The following ABCA13 variants were observed in gnomAD, a reference collection of about 807,000 sequenced individuals.
The protein encoded by ABCA13 is ATP-binding cassette sub-family A member 13.
In ABCA13, 476 loss-of-function variants were observed where a neutral mutation model predicts 478.7. That is an observed-to-expected ratio of 0.99 (90% confidence interval 0.92 to 1.07). The LOEUF (loss-of-function observed/expected upper bound fraction) is 1.07, where lower values mean the gene tolerates loss of function less well. Among genes scored for constraint, ABCA13 ranks in the 50% least tolerant of loss-of-function variants. ABCA13 has a pLI of 0.00. For synonymous variants in ABCA13, 2,252 were observed against 2,158.9 expected (o/e 1.04, Z -1.20); for missense variants, 6,060 against 5,910.6 (o/e 1.03, Z -0.83).
In ABCA13 at chr7:48,278,463, G is replaced by A; in HGVS notation, c.7269G>A (p.Met2423Ile). The change falls in exon 18 of 62, where the codon ATG becomes ATA. Residue 2423 changes from methionine (M) to isoleucine (I), a missense_variant. Met to Ile is a conservative substitution (Grantham distance 10, BLOSUM62 1). Coordinates refer to ENST00000435803, the MANE Select transcript of ABCA13 (RefSeq NM_152701.5). ...TTGTAAGAGAATGTTCAACAGAGATGGCAAGACTTCTGGATACAATTTTAC... is the reference window on the plus strand; with the variant it reads ...TTGTAAGAGAATGTTCAACAGAGATAGCAAGACTTCTGGATACAATTTTAC... ...LHLVRECSTEMARLLDTILHS... is the reference protein window; with the variant it reads ...LHLVRECSTEIARLLDTILHS... 2.5e-6 allele frequency: 4 copies of A among 1,613,910 alleles called. No homozygotes were observed. Among genetic ancestry groups the A allele is most frequent in the Non-Finnish European group, 3.4e-6 (4 of 1,179,860 alleles).
At chr7:48,315,636 C>T (rs530224906) in intron 26 of ABCA13, among the ~76,000 whole-genome samples, 27 of 152,164 alleles carry the variant, frequency 1.8e-4, no homozygotes, top group Admixed American at 2.6e-4. Flanking sequence ...CCTGCCACCA[C>T]GCCGGCTATT....
At chr7:48,531,493 A>G (rs546541168) in intron 55 of ABCA13, among the ~76,000 whole-genome samples, 42 of 152,044 alleles carry the variant, frequency 2.8e-4, no homozygotes, top group Non-Finnish European at 4.7e-4. Flanking sequence ...TTGGTTCCAT[A>G]TGAATTTTAG....
intron 16 of ABCA13, among the ~76,000 whole-genome samples, chr7:48,271,005 G>GA (rs2128746439): frequency 6.6e-6 from 1 of 152,318 alleles, no homozygotes; most frequent in East Asian, 1.9e-4. Flanking sequence ...GTCTCACTGC[G>GA]AAAGTGTTAA....
At chr7:48,184,363 T>C (rs1342810692) in intron 1 of ABCA13, among the ~76,000 whole-genome samples, 1 of 152,242 alleles carries the variant, frequency 6.6e-6, no homozygotes, top group Non-Finnish European at 1.5e-5. Flanking sequence ...TTCAAGTCTA[T>C]GGCTGGTCTT....
chr7:48,645,507 A>C lies in ABCA13; in HGVS notation c.15172A>C (p.Ile5058Leu). 6.3e-7 allele frequency: 1 copy of C among 1,579,262 alleles called. No homozygotes were observed. Among genetic ancestry groups the C allele is most frequent in the South Asian group, 1.2e-5 (1 of 85,796 alleles). ...CAGTCACCACACACATCACTTGCCC[A>C]TCTGAGCACTAAAGAAGTTTCCATA... ...TDSHHTHHLP[I>L] Residue 5058 changes from isoleucine to leucine, a missense_variant, in exon 62 of 62, where the codon ATC becomes CTC. By Grantham distance (5) the Ile-to-Leu change is conservative. Around this residue, in one of 3 missense-constraint regions of ABCA13, gnomAD observed 1,627 missense variants for 1,571.0 expected, o/e 1.04. Transcript: ENST00000435803.
chr7:48,535,172 T>A (rs1833485407), intron 55 of ABCA13, among the ~76,000 whole-genome samples: 1 of 152,214 alleles, frequency 6.6e-6, no homozygotes, highest in Admixed American at 6.5e-5. Context: ...CTCTAGCTGC[T>A]GTTTAGATTC....
chr7:48,483,752 C>T (rs999187074), intron 47 of ABCA13, among the ~76,000 whole-genome samples: 1 of 152,106 alleles, frequency 6.6e-6, no homozygotes, highest in African/African-American at 2.4e-5. Context: ...AGTGGTGAAC[C>T]CAACAGTGAG....
intron 29 of ABCA13, among the ~76,000 whole-genome samples, chr7:48,343,646 G>T (rs1807601590): frequency 6.6e-6 from 1 of 151,902 alleles, no homozygotes; most frequent in Non-Finnish European, 1.5e-5. Flanking sequence ...TGGTTATATG[G>T]ATAAGTTCTT....
chr7:48,347,789 C>T (rs1206667347), intron 29 of ABCA13, among the ~76,000 whole-genome samples: 1 of 152,216 alleles, frequency 6.6e-6, no homozygotes, highest in South Asian at 2.1e-4. Context: ...GTCTCCTCCT[C>T]TACTGGAAAC....
chr7:48,280,418 T>C (rs1459763175), intron 18 of ABCA13, among the ~76,000 whole-genome samples: 2 of 152,178 alleles, frequency 1.3e-5, no homozygotes, highest in Non-Finnish European at 2.9e-5. Context: ...CTCCAAGCCC[T>C]CCTATCGCTG....
At chr7:48,533,009 G>T (rs1446014290) in intron 55 of ABCA13, among the ~76,000 whole-genome samples, 2 of 151,488 alleles carry the variant, frequency 1.3e-5, no homozygotes, top group East Asian at 3.9e-4. Flanking sequence ...ATTTCATTCT[G>T]CTCTGATCTT....
intron 2 of ABCA13, among the ~76,000 whole-genome samples, chr7:48,195,444 T>C (rs1413192542): frequency 6.6e-6 from 1 of 152,076 alleles, no homozygotes. Flanking sequence ...AAAGGGCAGA[T>C]TCAACAGACA....
intron 43 of ABCA13, among the ~76,000 whole-genome samples, chr7:48,465,646 G>A (rs77892469): frequency 0.012 from 1,747 of 151,608 alleles, 17 homozygotes; most frequent in Non-Finnish European, 0.017. Context: ...ACCAAAGCAG[G>A]GTATTTAGGA....
intron 19 of ABCA13, among the ~76,000 whole-genome samples, chr7:48,284,360 T>G (rs1317506062): frequency 6.6e-6 from 1 of 152,206 alleles, no homozygotes; most frequent in Non-Finnish European, 1.5e-5. Flanking sequence ...TATTTCCAAT[T>G]AGATGTTATG....
intron 38 of ABCA13, among the ~76,000 whole-genome samples, chr7:48,403,364 C>A (rs1034317243): frequency 6.6e-6 from 1 of 152,108 alleles, no homozygotes; most frequent in South Asian, 2.1e-4. Context: ...GATGCAGGGC[C>A]CTCCCTGGCA....
rs762813113 is a variant in ABCA13 at position 48,380,185 on chromosome 7, T to A, written c.11335+3613T>A. Reference sequence around the variant, plus strand: ...CTTATTGTGCTATACAGTTTTAAAATATATATATCAAATGACAATGTAACA... The same window carrying A: ...CTTATTGTGCTATACAGTTTTAAAAAATATATATCAAATGACAATGTAACA... On this transcript the variant is annotated intron_variant, in intron 35 of 61. Transcript: ENST00000435803. 7.3e-4 allele frequency among the ~76,000 whole-genome samples: 111 copies of A among 152,344 alleles called. 1 individual carries two copies. Among genetic ancestry groups the A allele is most frequent in the African/African-American group, 2.2e-3 (93 of 41,582 alleles).
chr7:48,637,208 G>A (rs1317233782), intron 59 of ABCA13, among the ~76,000 whole-genome samples: 2 of 151,756 alleles, frequency 1.3e-5, no homozygotes, highest in Non-Finnish European at 1.5e-5. Context: ...TGCACAGATG[G>A]TGGCTGAGTG....
At position 48,602,692 on chromosome 7, in the gene ABCA13, G is replaced by A. The variant is rs184995766; in HGVS notation, c.14744+7879G>A. On this transcript the variant is annotated intron_variant, in intron 58 of 61. Coordinates refer to ENST00000435803, the MANE Select transcript of ABCA13 (RefSeq NM_152701.5). ...AGCTTTGTTCTTTTTGCTTAGGATT[G>A]TCTTGGTTACGCGGGCTCTTTTTTG... is the stretch of plus-strand genomic sequence containing the variant. Among the ~76,000 whole-genome samples the A allele has an allele frequency of 4.0e-3, 602 of 152,118 alleles. 2 individuals are homozygous for A. Among genetic ancestry groups the A allele is most frequent in the South Asian group, 0.013 (65 of 4,822 alleles).
intron 3 of ABCA13, among the ~76,000 whole-genome samples, chr7:48,210,432 GT>G (rs1212331317): frequency 2.0e-5 from 3 of 151,778 alleles, no homozygotes; most frequent in African/African-American, 7.3e-5. Context: ...TTTATTTGAA[GT>G]TTTTTTTCTT....
Sources: gnomAD v4.1 joint callset for allele counts (sites outside exome capture counted in the v4.1 genomes callset) on GRCh38, gnomAD v4.1.1 for gene constraint, gnomAD v4.1.1 regional missense constraint, MANE v1.5 for transcripts, NCBI Gene and HGNC (gene_info 2026-07-23, HGNC 2026-07-21) for gene names.